The following SGCB variants were observed in gnomAD, a reference collection of about 807,000 sequenced individuals.
The protein encoded by SGCB is sarcoglycan beta.
A neutral mutation model predicts 27.3 loss-of-function variants in SGCB; 25 were observed. That is an observed-to-expected ratio of 0.92 (90% CI 0.67 to 1.28). The LOEUF (loss-of-function observed/expected upper bound fraction) is 1.28, where lower values mean the gene tolerates loss of function less well. Among genes scored for constraint, SGCB ranks in the 50% most tolerant of loss-of-function variants. The probability of loss-of-function intolerance (pLI) is 0.00; values close to 1 mark genes in which losing one functional copy is unlikely to be tolerated. For missense variants in SGCB, 436 were observed against 402.1 expected (o/e 1.08, Z -0.72); for synonymous variants, 147 against 133.5 (o/e 1.10, Z -0.70).
intron 1 of SGCB, among the ~76,000 whole-genome samples, chr4:52,035,837 A>C (rs1236911611): frequency 6.6e-6 from 1 of 152,258 alleles, no homozygotes; most frequent in Non-Finnish European, 1.5e-5. Context: ...TGTTAGCCAA[A>C]GTTTGAATAT....
Position 52,033,471 on chromosome 4 carries a change from A to C in SGCB, c.203T>G (p.Val68Gly). 1 of 1,613,672 alleles carries C rather than the reference A, an allele frequency of 6.2e-7. No homozygotes were observed. The highest frequency in any genetic ancestry group is 2.2e-5 in the East Asian group (1 of 44,860). The change falls in exon 2 of 6, where the codon GTG (valine) becomes GGG (glycine). Residue 68 changes from valine to glycine, a missense_variant. Transcript: ENST00000381431. ...AGCCAGGATAAACAAGAGGATAATC[A>C]CACAGATGGCTAAATTGCCCTTTCT... ...RGRKGNLAIC[V>G]IILLFILAVI... is the part of the protein sequence containing the mutation.
intron 2 of SGCB, among the ~76,000 whole-genome samples, chr4:52,031,266 G>A (rs1247338468): frequency 1.3e-5 from 2 of 151,990 alleles, no homozygotes; most frequent in African/African-American, 4.8e-5. Flanking sequence ...GCATGTTAGA[G>A]CTCCTGAGTT....
intron 2 of SGCB, 37 bp downstream of exon 2, chr4:52,033,394 C>A (rs758541445): frequency 2.2e-6 from 3 of 1,370,888 alleles, no homozygotes; most frequent in African/African-American, 2.9e-5. Flanking sequence ...AAAAATTCCC[C>A]ATGGCAATTA....
intron 4 of SGCB, 117 bp from the exon 5 acceptor site, chr4:52,028,216 A>C (rs1737153424): frequency 3.8e-6 from 3 of 784,532 alleles, no homozygotes; most frequent in Non-Finnish European, 6.3e-6. Context: ...TGTTTCTATT[A>C]ATGTTTTAGA....
Position 52,033,458 on chromosome 4 carries a change from CA to C in SGCB, c.215del (p.Leu72CysfsTer9). On this transcript the variant is annotated frameshift_variant, in exon 2 of 6. Transcript: ENST00000381431. LOFTEE classifies it high-confidence loss of function. ...GNLAICVIIL[L>X]FILAVINLII... ...TTAAATTGATGACAGCCAGGATAAA[CA>C]AGAGGATAATCACACAGATGGCTAA... 6.2e-7 allele frequency: 1 copy of C among 1,612,986 alleles called. No individual in the cohort carries two copies. The highest frequency in any genetic ancestry group is 1.7e-5 in the Admixed American group (1 of 60,022).
In SGCB at chr4:52,038,232, C is replaced by A. The variant is rs1448040082; in HGVS notation, c.28G>T (p.Glu10Ter). MAAAAAAAA[E>*]QQSSNGPVKK... ...CCGCGGCGGTACTCACAGACCTGTT[C>A]TGCAGCCGCCGCCGCCGCTGCCGCC... The change falls in exon 1 of 6, where the codon GAA (glutamate) becomes TAA (stop). Residue 10 changes from glutamate to a stop codon, truncating the protein, a stop_gained. Coordinates refer to ENST00000381431, the MANE Select transcript of SGCB (RefSeq NM_000232.5). LOFTEE classifies it high-confidence loss of function. 3 of 1,286,912 alleles carry A rather than the reference C, an allele frequency of 2.3e-6. No homozygotes were observed. Among genetic ancestry groups the A allele is most frequent in the African/African-American group, 1.5e-5 (1 of 65,218 alleles). The allele number at this position is 1,286,912 out of a possible 1,614,324, so 79.7% of individuals were successfully genotyped here.
intron 3 of SGCB, 146 bp downstream of exon 3, chr4:52,029,532 T>G (rs1417414576): frequency 2.0e-5 from 11 of 536,770 alleles, no homozygotes; most frequent in Non-Finnish European, 3.6e-5. Context: ...ATTCACTATA[T>G]TCATACATTT....
chr4:52,034,866 C>T (rs761211384), intron 1 of SGCB, among the ~76,000 whole-genome samples: 29 of 152,142 alleles, frequency 1.9e-4, no homozygotes, highest in Non-Finnish European at 3.8e-4. Context: ...AATGTAAAGG[C>T]TACATGACCA....
chr4:52,028,561 G>T (rs1306210478), intron 4 of SGCB, among the ~76,000 whole-genome samples, 169 bp downstream of exon 4: 1 of 151,996 alleles, frequency 6.6e-6, no homozygotes, highest in Non-Finnish European at 1.5e-5. Flanking sequence ...GCGTGAATCC[G>T]GGAGGCGGAG....
Position 52,023,975 on chromosome 4 carries a change from G to A in SGCB, c.939C>T (p.Pro313=), listed in dbSNP as rs375438506. 32 of 1,613,990 alleles carry A rather than the reference G, an allele frequency of 2.0e-5. No homozygotes were observed. The highest frequency in any genetic ancestry group is 2.5e-5 in the Non-Finnish European group (29 of 1,179,982). ...GGTTCTTTTAATGAGTGTTTCCACA[G>A]GGGTTGTCTGAGATTTGGCAGCCCA... ...QNMGCQISDN[P]CGNTH Residue 313 remains proline (P), a synonymous_variant, in exon 6 of 6, where the codon CCC becomes CCT. Transcript: ENST00000381431.
intron 5 of SGCB, among the ~76,000 whole-genome samples, chr4:52,025,341 C>A (rs1737061372): frequency 7.5e-6 from 1 of 134,032 alleles, no homozygotes; most frequent in Non-Finnish European, 1.7e-5. Context: ...CAGGAAGGAC[C>A]ACCTGTGGTT....
chr4:52,030,834 A>G (rs1264788897), intron 2 of SGCB, among the ~76,000 whole-genome samples: 1 of 152,154 alleles, frequency 6.6e-6, no homozygotes, highest in Non-Finnish European at 1.5e-5. Flanking sequence ...TAAGCAATGT[A>G]TGAGAAGTAA....
At chr4:52,037,397 C>A (rs1410130440) in intron 1 of SGCB, among the ~76,000 whole-genome samples, 1 of 152,046 alleles carries the variant, frequency 6.6e-6, no homozygotes, top group Non-Finnish European at 1.5e-5. Context: ...CAAAACTTGA[C>A]TCATTTTTTT....
At chr4:52,033,895 T>C (rs1202749790) in intron 1 of SGCB, among the ~76,000 whole-genome samples, 1 of 152,176 alleles carries the variant, frequency 6.6e-6, no homozygotes, top group East Asian at 1.9e-4. Flanking sequence ...TGTCAAAGTA[T>C]ACAGCTTGTT....
chr4:52,031,635 TG>T, intron 2 of SGCB, among the ~76,000 whole-genome samples: 1 of 152,150 alleles, frequency 6.6e-6, no homozygotes, highest in East Asian at 1.9e-4. Flanking sequence ...TTAGGGCTTT[TG>T]TTTTTTTGGT....
chr4:52,028,635 C>T, intron 4 of SGCB, 95 bp downstream of exon 4: 1 of 874,748 alleles, frequency 1.1e-6, no homozygotes, highest in Non-Finnish European at 1.7e-6. Flanking sequence ...AACTCCGTCT[C>T]AAAAAAAAAA....
At position 52,038,058 on chromosome 4, in the gene SGCB, T is replaced by G. The variant is rs548840907; in HGVS notation, c.33+169A>C. The stretch of plus-strand genomic sequence containing the variant: ...TGGTCCCTAGCTTGTGCCAGCATCC[T>G]CGGCGGGGCACAGCTCCTCCCGCCC... On this transcript the variant is annotated intron_variant, in intron 1 of 5. Transcript: ENST00000381431. 3.3e-5 allele frequency among the ~76,000 whole-genome samples: 5 copies of G among 151,220 alleles called. No individual in the cohort carries two copies. The South Asian group carries it at 1.0e-3, about 32-fold the overall frequency.
At position 52,028,894 on chromosome 4, in the gene SGCB, G is replaced by A. The variant is rs1156840773; in HGVS notation, c.457C>T (p.Leu153Phe). The A allele has an allele frequency of 1.2e-6, 2 of 1,613,776 alleles. No homozygotes were observed. The highest frequency in any genetic ancestry group is 2.2e-5 in the South Asian group (2 of 91,076). Residue 153 changes from leucine to phenylalanine, a missense_variant, in exon 4 of 6, where the codon CTC (leucine) becomes TTC (phenylalanine). Leu to Phe is a conservative substitution (Grantham distance 22). Coordinates refer to ENST00000381431, the MANE Select transcript of SGCB (RefSeq NM_000232.5). ...GAAGTTTTGTTGTTTTCTACACTGA[G>A]CTTTGTTGTCCCTTGCTGAAAAACA... ...PIVFQQGTTK[L>F]SVENNKTSIT...
At chr4:52,036,877 C>A (rs1737407215) in intron 1 of SGCB, among the ~76,000 whole-genome samples, 1 of 152,174 alleles carries the variant, frequency 6.6e-6, no homozygotes, top group South Asian at 2.1e-4. Context: ...CTAGGTTAAA[C>A]AAGTGAATGG....
Sources: allele counts gnomAD v4.1 joint callset (sites outside exome capture counted in the v4.1 genomes callset), GRCh38; gene constraint gnomAD v4.1.1; transcripts MANE v1.5; gene names NCBI Gene and HGNC (gene_info 2026-07-23, HGNC 2026-07-21).